Variants in VWA3B observed in about 807,000 individuals in gnomAD.
VWA3B encodes von Willebrand factor A domain-containing protein 3B.
Under a neutral mutation model 158.3 loss-of-function variants are expected in VWA3B, and 138 were observed. That is an observed-to-expected ratio of 0.87 (90% confidence interval 0.76 to 1.00). The LOEUF (loss-of-function observed/expected upper bound fraction) is 1.00. Ranked by LOEUF, VWA3B falls within the 50% of genes least tolerant of loss-of-function variation. The pLI is 0.00. For missense variants in VWA3B, 1,555 were observed against 1,565.1 expected, an observed-to-expected ratio of 0.99 and a Z score of 0.11; for synonymous variants, 596 against 587.3, an observed-to-expected ratio of 1.01 and a Z score of -0.21.
intron 26 of VWA3B, among the ~76,000 whole-genome samples, chr2:98,307,072 C>G (rs1002702828): frequency 1.1e-4 from 17 of 152,212 alleles, no homozygotes; most frequent in African/African-American, 4.1e-4. Flanking sequence ...CTCAGGAGCT[C>G]TTTCTCACTT....
chr2:98,217,251 G>A (rs936558844), intron 13 of VWA3B, among the ~76,000 whole-genome samples: 9 of 152,222 alleles, frequency 5.9e-5, no homozygotes, highest in Admixed American at 4.6e-4. Flanking sequence ...CTGACTAACC[G>A]TACCCCTTTC....
chr2:98,209,225 G>T (rs940367880), intron 12 of VWA3B, among the ~76,000 whole-genome samples: 1 of 152,006 alleles, frequency 6.6e-6, no homozygotes, highest in African/African-American at 2.4e-5. Flanking sequence ...TTTGGGATTT[G>T]CTTAGCTTCT....
At chr2:98,179,369 G>C (rs1483209910) in intron 8 of VWA3B, 4 of 469,814 alleles carry the variant, frequency 8.5e-6, no homozygotes, top group East Asian at 1.4e-4. Context: ...AACACCACGA[G>C]AATGTGCCTG....
chr2:98,257,876 T>TC (rs1230142712), intron 21 of VWA3B, among the ~76,000 whole-genome samples: 1 of 151,954 alleles, frequency 6.6e-6, no homozygotes, highest in Non-Finnish European at 1.5e-5. Flanking sequence ...AGTGAATTCT[T>TC]CTTTTTTTTT....
At chr2:98,288,821 G>A in intron 22 of VWA3B, among the ~76,000 whole-genome samples, 1 of 152,062 alleles carries the variant, frequency 6.6e-6, no homozygotes, top group Non-Finnish European at 1.5e-5. Flanking sequence ...GATCTATCAA[G>A]TTGCATAACT....
intron 2 of VWA3B, among the ~76,000 whole-genome samples, chr2:98,104,269 T>C (rs1204330460): frequency 6.6e-6 from 1 of 152,208 alleles, no homozygotes; most frequent in Non-Finnish European, 1.5e-5. Flanking sequence ...AAAAGATGTT[T>C]ATTTGGCTGA....
Position 98,227,911 on chromosome 2 carries a change from A to G in VWA3B, c.2020-291A>G, listed in dbSNP as rs560058664. On this transcript the variant is annotated intron_variant, in intron 14 of 27. Coordinates refer to ENST00000477737, the MANE Select transcript of VWA3B (RefSeq NM_144992.5). ...TCAGCTTGTTGTATGTGAATTACAC[A>G]TCAATAAAGCTGGCTAAAAATGGGA... is the stretch of plus-strand genomic sequence containing the variant. 3.7e-4 allele frequency among the ~76,000 whole-genome samples: 57 copies of G among 152,380 alleles called. 2 individuals carry two copies. In the South Asian group the frequency reaches 7.2e-3, roughly 19 times the overall value.
rs1338313297 is a variant in VWA3B, at chr2:98,230,879, T to C, written c.2308+672T>C. 2.6e-5 allele frequency among the ~76,000 whole-genome samples: 4 copies of C among 152,212 alleles called. No homozygotes were observed. The East Asian group carries it at 7.7e-4, about 29-fold the overall frequency. On this transcript the variant is annotated intron_variant, in intron 16 of 27. Transcript: ENST00000477737. ...AAACTGTCCCTATTTGCAGATATTG[T>C]ATTGTCTATGTAGAAAACAGCAAGG...
intron 9 of VWA3B, among the ~76,000 whole-genome samples, chr2:98,182,224 G>T (rs183139709): frequency 1.3e-5 from 2 of 152,176 alleles, no homozygotes; most frequent in Non-Finnish European, 2.9e-5. Context: ...ATTCTTGAAG[G>T]CTCCGATTCA....
In VWA3B at chr2:98,159,039, T is replaced by C. The variant is rs185375536; in HGVS notation, c.989-3812T>C. Among the ~76,000 whole-genome samples, 80 of 152,280 alleles carry C rather than the reference T, an allele frequency of 5.3e-4. 1 individual carries two copies. The highest frequency in any genetic ancestry group is 4.1e-3 in the Admixed American group (63 of 15,290). The stretch of plus-strand genomic sequence containing the variant: ...TATCCTGTAGGTGAGATGTGGAAGA[T>C]TGGACAGGGAAATGGCATTTGGCAG... On this transcript the variant is annotated intron_variant, in intron 7 of 27. Transcript: ENST00000477737.
At chr2:98,237,348 G>A (rs1228635063) in intron 19 of VWA3B, among the ~76,000 whole-genome samples, 2 of 152,190 alleles carry the variant, frequency 1.3e-5, no homozygotes, top group Non-Finnish European at 2.9e-5. Context: ...AAAGGAAAGG[G>A]AGGACTTGCG....
chr2:98,301,979 T>C (rs1690225222), intron 25 of VWA3B, among the ~76,000 whole-genome samples: 1 of 152,174 alleles, frequency 6.6e-6, no homozygotes, highest in African/African-American at 2.4e-5. Flanking sequence ...TCTTTATCAG[T>C]TTACGAAACT....
intron 19 of VWA3B, among the ~76,000 whole-genome samples, chr2:98,246,506 C>A (rs1686403979): frequency 6.6e-6 from 1 of 151,900 alleles, no homozygotes; most frequent in Non-Finnish European, 1.5e-5. Context: ...GCCTCCCAGG[C>A]AGCTGGGATT....
intron 9 of VWA3B, among the ~76,000 whole-genome samples, chr2:98,184,441 CA>C (rs1226174869): frequency 6.6e-6 from 1 of 152,214 alleles, no homozygotes; most frequent in Admixed American, 6.5e-5. Flanking sequence ...AGCCACAATG[CA>C]ATGCCTGGTT....
At chr2:98,317,337 C>G (rs1447671211), downstream of VWA3B, among the ~76,000 whole-genome samples, 1 of 152,122 alleles carries the variant, frequency 6.6e-6, no homozygotes, top group African/African-American at 2.4e-5. Flanking sequence ...CTAAACCCCC[C>G]CCAGCCATCT....
chr2:98,265,982 C>A (rs1487256894), intron 21 of VWA3B, among the ~76,000 whole-genome samples: 2 of 139,112 alleles, frequency 1.4e-5, no homozygotes, highest in African/African-American at 2.7e-5. Flanking sequence ...AATTTTCTCC[C>A]ATTTTGTAGG....
At chr2:98,315,895 C>A (rs1691075471), downstream of VWA3B, among the ~76,000 whole-genome samples, 1 of 152,204 alleles carries the variant, frequency 6.6e-6, no homozygotes, top group African/African-American at 2.4e-5. Flanking sequence ...ATACACAAAT[C>A]ATGATCGATT....
chr2:98,221,949 A>C lies in VWA3B; in HGVS notation c.2019+3921A>C, dbSNP rs6755397. The stretch of plus-strand genomic sequence containing the variant: ...CCATTATCAATGAAAGTGAAAAAAG[A>C]AGCAAGCTGGGGAAAGGCCACGCTC... On this transcript the variant is annotated intron_variant, in intron 14 of 27. Transcript: ENST00000477737. 6.8e-3 allele frequency among the ~76,000 whole-genome samples: 1,037 copies of C among 152,278 alleles called. 8 individuals carry two copies. The highest frequency in any genetic ancestry group is 0.024 in the African/African-American group (990 of 41,548).
At chr2:98,092,271 A>C (rs1280889772) in intron 1 of VWA3B, among the ~76,000 whole-genome samples, 1 of 152,212 alleles carries the variant, frequency 6.6e-6, no homozygotes, top group Non-Finnish European at 1.5e-5. Context: ...TGTTATTGGA[A>C]TACAGATGTG....
Sources: allele counts gnomAD v4.1 joint callset (sites outside exome capture counted in the v4.1 genomes callset), GRCh38; gene constraint gnomAD v4.1.1; transcripts MANE v1.5; gene names NCBI Gene and HGNC (gene_info 2026-07-23, HGNC 2026-07-21).